The following LNPEP variants were observed in gnomAD, a reference collection of about 807,000 sequenced individuals.
LNPEP encodes leucyl and cystinyl aminopeptidase.
LNPEP carries 64 observed loss-of-function variants against 120.6 expected under a neutral mutation model. That is an observed-to-expected ratio of 0.53 (90% CI 0.43 to 0.65). The LOEUF is 0.65. Ranked by LOEUF, LNPEP falls within the 30% of genes least tolerant of loss-of-function variation. The pLI is 0.00. For synonymous variants in LNPEP, 435 were observed against 425.4 expected, an observed-to-expected ratio of 1.02 and a Z score of -0.28; for missense variants, 1,057 against 1,200.0, an observed-to-expected ratio of 0.88 and a Z score of 1.76.
intron 11 of LNPEP, among the ~76,000 whole-genome samples, chr5:97,008,413 A>G (rs1313403538): frequency 1.6e-5 from 2 of 123,114 alleles, no homozygotes; most frequent in African/African-American, 3.2e-5. Context: ...TGCAGTGACA[A>G]TATCATAGCC....
At chr5:97,005,226 T>C (rs1210798606) in intron 9 of LNPEP, among the ~76,000 whole-genome samples, 1 of 152,234 alleles carries the variant, frequency 6.6e-6, no homozygotes, top group African/African-American at 2.4e-5. Flanking sequence ...AGAGTGATTT[T>C]ATCAATTTAG....
intron 1 of LNPEP, among the ~76,000 whole-genome samples, chr5:96,964,150 CAT>C (rs1015283058): frequency 5.3e-5 from 8 of 150,688 alleles, no homozygotes; most frequent in African/African-American, 2.0e-4. Flanking sequence ...TGAGTGAGAT[CAT>C]GTGGTATTTG....
Position 97,022,489 on chromosome 5 carries a change from A to G in LNPEP, c.2561+5A>G, listed in dbSNP as rs1791228290. Reference sequence around the variant, plus strand: ...GGCATCCAATGGAACTCAAAGGTGAAGTATACCTCTACTCAGATGAATTAT... The same window carrying G: ...GGCATCCAATGGAACTCAAAGGTGAGGTATACCTCTACTCAGATGAATTAT... On this transcript the variant is annotated splice_donor_5th_base_variant and intron_variant, in intron 14 of 17. Coordinates refer to ENST00000231368, the MANE Select transcript of LNPEP (RefSeq NM_005575.3). The G allele has an allele frequency of 3.1e-6, 5 of 1,603,540 alleles. No individual in the cohort carries two copies. Among genetic ancestry groups the G allele is most frequent in the Non-Finnish European group, 4.3e-6 (5 of 1,170,450 alleles).
At chr5:96,941,155 A>C (rs1581970730) in intron 1 of LNPEP, among the ~76,000 whole-genome samples, 1 of 152,170 alleles carries the variant, frequency 6.6e-6, no homozygotes, top group South Asian at 2.1e-4. Context: ...GGAGCACACA[A>C]CCTAGATCCC....
Position 96,998,074 on chromosome 5 carries a change from C to T in LNPEP, c.1582C>T (p.His528Tyr). 6.3e-7 allele frequency: 1 copy of T among 1,577,556 alleles called. No homozygotes were observed. Among genetic ancestry groups the T allele is most frequent in the Non-Finnish European group, 8.7e-7 (1 of 1,151,112 alleles). The stretch of plus-strand genomic sequence containing the variant: ...GAAGAAAGATTCCTTAAATTCATCT[C>T]ATCCAATATCATCATCTGTTCAGTC... ...TMKKDSLNSS[H>Y]PISSSVQSSE... The change falls in exon 8 of 18, where the codon CAT becomes TAT. Residue 528 changes from histidine (H) to tyrosine (Y), a missense_variant. Physicochemically the swap from His to Tyr is moderately conservative, Grantham distance 83 (BLOSUM62 2). Transcript: ENST00000231368.
chr5:97,017,934 G>A (rs1430050204), intron 13 of LNPEP, among the ~76,000 whole-genome samples: 1 of 152,116 alleles, frequency 6.6e-6, no homozygotes, highest in Non-Finnish European at 1.5e-5. Flanking sequence ...TCCTGGGCAT[G>A]TAGGTGACTA....
chr5:97,018,509 C>T (rs1217536165), intron 13 of LNPEP, among the ~76,000 whole-genome samples: 2 of 152,004 alleles, frequency 1.3e-5, no homozygotes, highest in South Asian at 2.1e-4. Flanking sequence ...CAAGATTGGA[C>T]GCCCTTTTAC....
chr5:96,985,670 A>G (rs902701444), intron 3 of LNPEP, among the ~76,000 whole-genome samples: 10 of 152,066 alleles, frequency 6.6e-5, no homozygotes, highest in African/African-American at 2.4e-4. Context: ...TCTTTCTTAG[A>G]TGTTAGCTCT....
intron 1 of LNPEP, among the ~76,000 whole-genome samples, chr5:96,944,560 C>CT (rs60017687): frequency 0.21 from 11,573 of 56,170 alleles, 3,889 homozygotes; most frequent in Non-Finnish European, 0.27. Context: ...CTTATTTTTG[C>CT]TTTTTTTTTT....
chr5:97,024,022 G>C (rs1791277510), intron 14 of LNPEP, among the ~76,000 whole-genome samples: 1 of 152,152 alleles, frequency 6.6e-6, no homozygotes, highest in Non-Finnish European at 1.5e-5. Flanking sequence ...GTGCATTATG[G>C]AGAGAAGATT....
At chr5:96,975,161 G>A (rs551942239) in intron 1 of LNPEP, among the ~76,000 whole-genome samples, 1 of 152,216 alleles carries the variant, frequency 6.6e-6, no homozygotes, top group East Asian at 1.9e-4. Flanking sequence ...CAGTGGAAAA[G>A]CCAGGATTTT....
chr5:96,939,338 C>T (rs761683348), intron 1 of LNPEP, among the ~76,000 whole-genome samples: 18 of 151,746 alleles, frequency 1.2e-4, no homozygotes, highest in South Asian at 2.1e-4. Flanking sequence ...CTCAGCCTCC[C>T]GAGTAGCTGG....
At chr5:96,971,003 A>T (rs962478565) in intron 1 of LNPEP, among the ~76,000 whole-genome samples, 1 of 152,042 alleles carries the variant, frequency 6.6e-6, no homozygotes, top group African/African-American at 2.4e-5. Flanking sequence ...AGTTCCCTTC[A>T]TCCTGAAGAA....
chr5:97,006,951 A>G (rs1359243516), intron 11 of LNPEP, among the ~76,000 whole-genome samples: 2 of 152,178 alleles, frequency 1.3e-5, no homozygotes, highest in African/African-American at 4.8e-5. Flanking sequence ...TTATTGCAAT[A>G]TGCCCTGCAG....
chr5:97,009,939 T>G (rs1790884722), intron 11 of LNPEP, among the ~76,000 whole-genome samples: 1 of 152,200 alleles, frequency 6.6e-6, no homozygotes, highest in African/African-American at 2.4e-5. Context: ...GATGGTTGGT[T>G]AAATCTTTAA....
At chr5:96,968,041 A>T (rs1437160478) in intron 1 of LNPEP, among the ~76,000 whole-genome samples, 2 of 152,148 alleles carry the variant, frequency 1.3e-5, no homozygotes, top group East Asian at 3.9e-4. Flanking sequence ...CAGGATTGAA[A>T]TGTATCCGTT....
chr5:96,995,526 C>CTTTTTTTTTTTTT (rs887117227), intron 6 of LNPEP, among the ~76,000 whole-genome samples: 1 of 145,268 alleles, frequency 6.9e-6, no homozygotes, highest in African/African-American at 2.5e-5. Flanking sequence ...TATATGCCAT[C>CTTTTTTTTTTTTT]TTTTTTTTTT....
chr5:97,032,741 C>T lies in LNPEP; in HGVS notation c.*4208C>T, dbSNP rs1268860804. 6.6e-6 allele frequency: 1 copy of T among 152,128 alleles called. No individual in the cohort carries two copies. Among genetic ancestry groups the T allele is most frequent in the African/African-American group, 2.4e-5 (1 of 41,406 alleles). 9.4% of individuals were successfully genotyped at this position (152,128 alleles called of 1,614,324 possible). A position where few individuals can be genotyped will look rare whatever the true frequency, so the allele number is the denominator to read the frequency against. The stretch of plus-strand genomic sequence containing the variant: ...TTATTTCATTTTGTATTTCATTCAT[C>T]CATTTTGTGGACGTGTAGATAAAAC... On this transcript the variant is annotated 3_prime_UTR_variant, in exon 18 of 18. Coordinates refer to ENST00000231368, the MANE Select transcript of LNPEP (RefSeq NM_005575.3).
chr5:97,016,528 A>G (rs1791073670), intron 13 of LNPEP, among the ~76,000 whole-genome samples: 1 of 152,148 alleles, frequency 6.6e-6, no homozygotes, highest in African/African-American at 2.4e-5. Context: ...TTTCACTCCA[A>G]AGACTTCTGT....
Sources: gnomAD v4.1 joint callset for allele counts (sites outside exome capture counted in the v4.1 genomes callset) on GRCh38, gnomAD v4.1.1 for gene constraint, MANE v1.5 for transcripts, NCBI Gene and HGNC (gene_info 2026-07-23, HGNC 2026-07-21) for gene names.